Variants in SKIC2 observed in about 807,000 individuals in gnomAD.
The protein encoded by SKIC2 is SKI2 subunit of superkiller complex.
chr6:31,960,398 T>A, the SKIC2 span: 17 of 1,598,084 alleles, frequency 1.1e-5, 1 homozygote, highest in East Asian at 3.6e-4. Flanking sequence ...AGAGACAAGC[T>A]CAGCCTCATT....
the SKIC2 span, chr6:31,959,187 T>A: frequency 6.2e-7 from 1 of 1,610,202 alleles, no homozygotes; most frequent in South Asian, 1.1e-5. Flanking sequence ...CTGCTGTGGC[T>A]CCAGGATGAT....
At chr6:31,964,384 G>C in the SKIC2 span, 1 of 1,505,894 alleles carries the variant, frequency 6.6e-7, no homozygotes, top group African/African-American at 1.4e-5. The surrounding 1 kb of genome is among the most constrained non-coding windows in gnomAD (Gnocchi z 5.0). Flanking sequence ...GGTGCTTGTT[G>C]CCCACTTAGG....
chr6:31,963,407 C>A, the SKIC2 span: 1 of 1,549,774 alleles, frequency 6.5e-7, no homozygotes, highest in South Asian at 1.2e-5. The surrounding 1 kb of genome is among the most constrained non-coding windows in gnomAD (Gnocchi z 5.3). Flanking sequence ...CCTCTCCTTT[C>A]TTCAGGCGGC....
the SKIC2 span, chr6:31,959,276 AC>A: frequency 6.2e-7 from 1 of 1,608,028 alleles, no homozygotes; most frequent in Non-Finnish European, 8.5e-7. Flanking sequence ...TTGACCCCTG[AC>A]TTTTGACCTT....
chr6:31,959,182 G>A, the SKIC2 span: 1 of 1,609,936 alleles, frequency 6.2e-7, no homozygotes, highest in African/African-American at 1.3e-5. Context: ...GGCAGCTGCT[G>A]TGGCTCCAGG....
At chr6:31,960,171 T>C in the SKIC2 span, 1 of 1,607,772 alleles carries the variant, frequency 6.2e-7, no homozygotes, top group Non-Finnish European at 8.5e-7. Flanking sequence ...TGAAGGAAGC[T>C]GGGACAGAGG....
the SKIC2 span, chr6:31,960,635 A>G: frequency 1.9e-6 from 3 of 1,589,928 alleles, no homozygotes; most frequent in Non-Finnish European, 2.6e-6. Flanking sequence ...CCCTCATCCC[A>G]TGAATCCCTG....
chr6:31,962,675 G>A, the SKIC2 span: 54 of 1,604,722 alleles, frequency 3.4e-5, no homozygotes, highest in Non-Finnish European at 3.9e-5. The surrounding 1 kb of genome is among the most constrained non-coding windows in gnomAD (Gnocchi z 5.0). Context: ...GGGTGGAGAC[G>A]AGCCACTGGG....
chr6:31,960,138 C>CT, the SKIC2 span: 1 of 1,607,544 alleles, frequency 6.2e-7, no homozygotes, highest in Non-Finnish European at 8.5e-7. Flanking sequence ...TCTGGAGGGG[C>CT]TTAGACTAGG....
the SKIC2 span, chr6:31,967,130 C>A: frequency 1.2e-6 from 2 of 1,610,560 alleles, no homozygotes; most frequent in Non-Finnish European, 1.7e-6. The surrounding 1 kb of genome is among the most constrained non-coding windows in gnomAD (Gnocchi z 4.9). Flanking sequence ...AGAGACCCAG[C>A]ACATGATCCA....
the SKIC2 span, chr6:31,960,876 G>A: frequency 2.2e-6 from 2 of 899,284 alleles, no homozygotes; most frequent in East Asian, 2.4e-5. Flanking sequence ...GTCATCTGCT[G>A]GGAAATTTCT....
chr6:31,960,706 G>A, the SKIC2 span: 2 of 1,580,592 alleles, frequency 1.3e-6, no homozygotes, highest in Non-Finnish European at 1.7e-6. Flanking sequence ...TGAACACACG[G>A]GAGGAGGCTG....
the SKIC2 span, chr6:31,960,333 A>C: frequency 1.2e-6 from 2 of 1,612,674 alleles, no homozygotes; most frequent in African/African-American, 2.7e-5. Flanking sequence ...CTGGGTTACA[A>C]AGAGGTAGGA....
chr6:31,959,291 C>G, the SKIC2 span: 2 of 1,610,708 alleles, frequency 1.2e-6, no homozygotes, highest in Non-Finnish European at 1.7e-6. Context: ...TGACCTTTCC[C>G]CGTAGTGCTA....
chr6:31,961,016 C>T, the SKIC2 span: 2 of 1,547,736 alleles, frequency 1.3e-6, no homozygotes, highest in South Asian at 2.2e-5. Flanking sequence ...GTGCAGTGAC[C>T]TGATTTCATG....
chr6:31,960,028 C>T, the SKIC2 span: 5 of 1,613,034 alleles, frequency 3.1e-6, no homozygotes, highest in East Asian at 8.9e-5. Context: ...TGGCCTCCCT[C>T]CTTGTGCCCC....
At chr6:31,966,877 G>C in the SKIC2 span, 18 of 1,613,828 alleles carry the variant, frequency 1.1e-5, no homozygotes, top group Non-Finnish European at 1.4e-5. This position sits in a 1 kb window ranked among gnomAD's most constrained non-coding sequence, Gnocchi z 5.9. Context: ...AGTGTGTGGA[G>C]CAGGAGGTTG....
chr6:31,967,504 C>T, the SKIC2 span: 2 of 804,152 alleles, frequency 2.5e-6, no homozygotes, highest in Non-Finnish European at 4.1e-6. This position sits in a 1 kb window ranked among gnomAD's most constrained non-coding sequence, Gnocchi z 4.9. Context: ...CCCTCCTTTT[C>T]ACCCTCTCCC....
the SKIC2 span, chr6:31,962,685 G>A: frequency 0.15 from 247,019 of 1,607,370 alleles, 19,940 homozygotes; most frequent in African/African-American, 0.22. The surrounding 1 kb of genome is among the most constrained non-coding windows in gnomAD (Gnocchi z 5.0). Context: ...GAGCCACTGG[G>A]GAGTCAATCC....
Sources: allele counts gnomAD v4.1 joint callset, GRCh38; gene constraint gnomAD v4.1.1; non-coding constraint Gnocchi (gnomAD v3.1); transcripts MANE v1.5; gene names NCBI Gene and HGNC (gene_info 2026-07-23, HGNC 2026-07-21).